The following RPS6KA2 variants were observed in gnomAD, a reference collection of about 807,000 sequenced individuals.
RPS6KA2 encodes the protein ribosomal protein S6 kinase A2.
In RPS6KA2, 42 loss-of-function variants were observed where a neutral mutation model predicts 91.8. The ratio of observed to expected loss-of-function variants is 0.46; its 90% confidence interval spans 0.36 to 0.59. RPS6KA2 has a LOEUF of 0.59. Ranked by LOEUF, RPS6KA2 falls within the 20% of genes least tolerant of loss-of-function variation. The probability of loss-of-function intolerance (pLI) is 0.00; values close to 1 mark genes in which losing one functional copy is unlikely to be tolerated. For synonymous variants in RPS6KA2, 414 were observed against 393.6 expected (o/e 1.05, Z -0.61); for missense variants, 798 against 978.5 (o/e 0.82, Z 2.46).
intron 2 of RPS6KA2, among the ~76,000 whole-genome samples, chr6:166,842,730 A>C (rs1780516599): frequency 6.6e-6 from 1 of 152,164 alleles, no homozygotes; most frequent in Non-Finnish European, 1.5e-5. Flanking sequence ...AGAGTTACTT[A>C]TCTTAAAAAT....
intron 2 of RPS6KA2, among the ~76,000 whole-genome samples, chr6:166,716,441 G>T (rs1411136841): frequency 6.6e-6 from 1 of 152,168 alleles, no homozygotes; most frequent in Non-Finnish European, 1.5e-5. Context: ...ATCCCAGCGG[G>T]CATCAATTCT....
chr6:166,745,146 GCC>G (rs376285892), intron 2 of RPS6KA2, among the ~76,000 whole-genome samples: 8,700 of 141,546 alleles, frequency 0.061, 405 homozygotes, highest in East Asian at 0.21. Context: ...GTCCTAATCG[GCC>G]TTTTTTTTTT....
intron 2 of RPS6KA2, chr6:166,702,696 G>C (rs1349812887): frequency 7.4e-7 from 1 of 1,360,218 alleles, no homozygotes; most frequent in East Asian, 2.3e-5. Flanking sequence ...TGAGGGCCCA[G>C]ATCTCGTCTG....
At chr6:166,413,767 T>C (rs373646719) in intron 20 of RPS6KA2, 27 bp downstream of exon 20, 91 of 1,612,718 alleles carry the variant, frequency 5.6e-5, no homozygotes, top group Non-Finnish European at 7.6e-5. Context: ...TTCCCACCAC[T>C]CTGTCCTCAC....
At chr6:166,519,228 G>C (rs1782763106) in intron 3 of RPS6KA2, among the ~76,000 whole-genome samples, 1 of 152,200 alleles carries the variant, frequency 6.6e-6, no homozygotes. Flanking sequence ...TTTCCTGTTG[G>C]GTAGTTCTAG....
intron 11 of RPS6KA2, 27 bp downstream of exon 11, chr6:166,469,814 A>G (rs1474222332): frequency 6.2e-7 from 1 of 1,601,448 alleles, no homozygotes; most frequent in Non-Finnish European, 8.6e-7. Flanking sequence ...ACGCGTGTGC[A>G]GGTGGGGACT....
intron 1 of RPS6KA2, among the ~76,000 whole-genome samples, chr6:166,573,409 T>G (rs1353314276): frequency 6.6e-6 from 1 of 152,222 alleles, no homozygotes; most frequent in Non-Finnish European, 1.5e-5. Flanking sequence ...TTTATCTTTT[T>G]CTACGTAAAG....
In RPS6KA2 at chr6:166,490,635, C is replaced by A. The variant is rs1352283935; in HGVS notation, c.818+36G>T. The A allele has an allele frequency of 1.4e-6, 2 of 1,452,128 alleles. No homozygotes were observed. Among genetic ancestry groups the A allele is most frequent in the Admixed American group, 3.6e-5 (2 of 56,272 alleles). The allele number at this position is 1,452,128 out of a possible 1,614,324, so 90.0% of individuals were successfully genotyped here. On this transcript the variant is annotated intron_variant, in intron 9 of 20. Coordinates refer to ENST00000265678, the MANE Select transcript of RPS6KA2 (RefSeq NM_021135.6). The surrounding 1 kb of genome is among the most constrained non-coding windows in gnomAD (Gnocchi z 4.2). ...CAGCAGCTCTTGATATCAGAAGGTGCTCGCAGGTCTCTGGGGTGGCTCCCA... is the reference window on the plus strand; with the variant it reads ...CAGCAGCTCTTGATATCAGAAGGTGATCGCAGGTCTCTGGGGTGGCTCCCA...
Position 166,771,594 on chromosome 6 carries a change from A to C in RPS6KA2, c.123+86606T>G, listed in dbSNP as rs138521938. 1.5e-3 allele frequency among the ~76,000 whole-genome samples: 226 copies of C among 152,032 alleles called. 1 individual carries two copies. The highest frequency in any genetic ancestry group is 5.0e-3 in the African/African-American group (208 of 41,446). On this transcript the variant is annotated intron_variant, in intron 2 of 21. Transcript: ENST00000503859. ...TGCAGGGGCCACATTTCCATTTCCT[A>C]CTTTCTCCTTTAGCCTTTTCCTGCC... is the stretch of plus-strand genomic sequence containing the variant.
chr6:166,429,831 CGTGTG>C (rs1562488085), intron 16 of RPS6KA2, among the ~76,000 whole-genome samples: 1 of 152,104 alleles, frequency 6.6e-6, no homozygotes, highest in Non-Finnish European at 1.5e-5. Context: ...TGGGTGCTCC[CGTGTG>C]TATGTGAGAT....
At chr6:166,444,436 T>C (rs1779613610) in intron 14 of RPS6KA2, among the ~76,000 whole-genome samples, 1 of 152,236 alleles carries the variant, frequency 6.6e-6, no homozygotes, top group Non-Finnish European at 1.5e-5. Context: ...TTAGATTACT[T>C]AGCTGTTTTG....
At chr6:166,560,492 T>G (rs1217476799) in intron 1 of RPS6KA2, among the ~76,000 whole-genome samples, 1 of 152,170 alleles carries the variant, frequency 6.6e-6, no homozygotes. Flanking sequence ...TAAAGAACAA[T>G]GACACATTCC....
chr6:166,623,527 C>T (rs1382894467), intron 1 of RPS6KA2, among the ~76,000 whole-genome samples: 1 of 152,202 alleles, frequency 6.6e-6, no homozygotes, highest in Non-Finnish European at 1.5e-5. Flanking sequence ...ACTCATAGGC[C>T]AGACACTCAG....
chr6:166,659,233 A>G (rs1284772893), intron 2 of RPS6KA2, among the ~76,000 whole-genome samples: 1 of 152,248 alleles, frequency 6.6e-6, no homozygotes, highest in African/African-American at 2.4e-5. Flanking sequence ...TTTCAGCCCT[A>G]TTAATTAAAA....
chr6:166,709,204 A>G (rs914028224), intron 2 of RPS6KA2, among the ~76,000 whole-genome samples: 33 of 152,366 alleles, frequency 2.2e-4, no homozygotes, highest in African/African-American at 7.7e-4. Context: ...GTAACAAGAT[A>G]ACGGATGTGG....
intron 1 of RPS6KA2, among the ~76,000 whole-genome samples, chr6:166,562,683 C>T (rs904285028): frequency 6.6e-6 from 1 of 152,190 alleles, no homozygotes; most frequent in South Asian, 2.1e-4. Flanking sequence ...AAAGACAAAC[C>T]CGTTACCCAT....
At chr6:166,518,141 G>T (rs990609175) in intron 3 of RPS6KA2, among the ~76,000 whole-genome samples, 1 of 150,912 alleles carries the variant, frequency 6.6e-6, no homozygotes, top group African/African-American at 2.4e-5. Flanking sequence ...CAAAAAATTA[G>T]CCAGGAATGG....
chr6:166,559,961 A>G (rs3799623), intron 1 of RPS6KA2, among the ~76,000 whole-genome samples: 109,620 of 152,164 alleles, frequency 0.72, 40,534 homozygotes, highest in East Asian at 0.99. Context: ...AATGGCATTT[A>G]AGAAGAAACC....
intron 14 of RPS6KA2, among the ~76,000 whole-genome samples, chr6:166,447,621 C>T (rs572646815): frequency 6.6e-6 from 1 of 152,288 alleles, no homozygotes; most frequent in Admixed American, 6.5e-5. Context: ...CCTGTTTTCA[C>T]AAAATGTCAG....
Sources: gnomAD v4.1 joint callset for allele counts (sites outside exome capture counted in the v4.1 genomes callset) on GRCh38, gnomAD v4.1.1 for gene constraint, Gnocchi (gnomAD v3.1) non-coding constraint, MANE v1.5 for transcripts, NCBI Gene and HGNC (gene_info 2026-07-23, HGNC 2026-07-21) for gene names.